Variants in DNAH10 observed in about 807,000 individuals in gnomAD.
DNAH10 encodes dynein axonemal heavy chain 10, also known as axonemal beta dynein heavy chain 10.
DNAH10 carries 348 observed loss-of-function variants against 506.6 expected under a neutral mutation model. The observed-to-expected ratio is 0.69, with a 90% CI of 0.63 to 0.75. The LOEUF (loss-of-function observed/expected upper bound fraction) is 0.75. DNAH10 is among the 30% of genes least tolerant of loss of function. The probability of loss-of-function intolerance (pLI) is 0.00; values close to 1 mark genes in which losing one functional copy is unlikely to be tolerated. For synonymous variants in DNAH10, 2,059 were observed against 2,198.6 expected, an observed-to-expected ratio of 0.94 and a Z score of 1.78; for missense variants, 5,179 against 5,787.1, an observed-to-expected ratio of 0.89 and a Z score of 3.41.
intron 65 of DNAH10, among the ~76,000 whole-genome samples, chr12:123,921,741 T>C (rs1954740961): frequency 7.6e-6 from 1 of 131,688 alleles, no homozygotes; most frequent in African/African-American, 3.1e-5. Flanking sequence ...TGAGACAGAA[T>C]GTCACTCTGT....
chr12:123,871,792 C>T (rs1485327714), intron 45 of DNAH10, among the ~76,000 whole-genome samples, 190 bp downstream of exon 45: 1 of 152,136 alleles, frequency 6.6e-6, no homozygotes, highest in Non-Finnish European at 1.5e-5. Context: ...GCTGTAGATA[C>T]CTGGAGGCCT....
At chr12:123,784,901 G>A (rs1957791929) in intron 8 of DNAH10, among the ~76,000 whole-genome samples, 1 of 152,208 alleles carries the variant, frequency 6.6e-6, no homozygotes, top group South Asian at 2.1e-4. Context: ...GTTGTAGCGT[G>A]GAGCGTGTTA....
intron 1 of DNAH10, among the ~76,000 whole-genome samples, chr12:123,763,528 C>A (rs1164941549): frequency 6.6e-6 from 1 of 151,518 alleles, no homozygotes; most frequent in African/African-American, 2.4e-5. Context: ...TTTAAAGGTA[C>A]CAGGCAGATT....
At chr12:123,861,497 A>T (rs1201415840) in intron 39 of DNAH10, among the ~76,000 whole-genome samples, 1 of 152,214 alleles carries the variant, frequency 6.6e-6, no homozygotes, top group African/African-American at 2.4e-5. Flanking sequence ...GTTCTCAAAC[A>T]CAGCCGCCAT....
chr12:123,774,573 A>C (rs1957370739), intron 5 of DNAH10, among the ~76,000 whole-genome samples: 1 of 152,224 alleles, frequency 6.6e-6, no homozygotes, highest in South Asian at 2.1e-4. Context: ...TTGTTTCTAT[A>C]GATATTAAAT....
chr12:123,839,215 T>TAAA (rs575224560), intron 29 of DNAH10, among the ~76,000 whole-genome samples: 2 of 126,924 alleles, frequency 1.6e-5, no homozygotes, highest in Non-Finnish European at 3.4e-5. Context: ...TTTTATAAAC[T>TAAA]AAAAAAAAAA....
chr12:123,820,608 A>G lies in DNAH10; in HGVS notation c.4029A>G (p.Arg1343=). 1 of 1,613,964 alleles carries G rather than the reference A, an allele frequency of 6.2e-7. No individual in the cohort carries two copies. Among genetic ancestry groups the G allele is most frequent in the South Asian group, 1.1e-5 (1 of 91,078 alleles). ...KGVELLGVYE[R]ELARHEKSRQ... ...TAGAGCTTTTAGGTGTTTATGAAAG[A>G]GAGCTGGCAAGACATGAAAAGAGCC... Residue 1343 remains arginine (R), a synonymous_variant, in exon 24 of 79, where the codon AGA becomes AGG. Coordinates refer to ENST00000673944, the MANE Select transcript of DNAH10 (RefSeq NM_001372106.1).
At chr12:123,858,721 G>C (rs1313797208) in intron 37 of DNAH10, among the ~76,000 whole-genome samples, 1 of 152,194 alleles carries the variant, frequency 6.6e-6, no homozygotes, top group Non-Finnish European at 1.5e-5. Context: ...ACAGAATGTG[G>C]TCTGTCCATC....
rs78920315 is a variant in DNAH10, at chr12:123,899,278, C to T, written c.9640+464C>T. On this transcript the variant is annotated intron_variant, in intron 56 of 78. Coordinates refer to ENST00000673944, the MANE Select transcript of DNAH10 (RefSeq NM_001372106.1). ...GTCACCTGCACTGTCCTGCTCTTGA[C>T]GACTCTACCCTCTCGCGATGCCTGG... Among the ~76,000 whole-genome samples, 305 of 152,288 alleles carry T rather than the reference C, an allele frequency of 2.0e-3. 2 individuals carry two copies. Among genetic ancestry groups the T allele is most frequent in the Admixed American group, 3.6e-3 (55 of 15,300 alleles).
chr12:123,923,737 A>G (rs371331358), intron 65 of DNAH10, 26 bp from the exon 66 acceptor site: 7 of 1,520,886 alleles, frequency 4.6e-6, no homozygotes, highest in Non-Finnish European at 6.3e-6. Flanking sequence ...TTAAGAAATC[A>G]ATACTCATCT....
At chr12:123,806,767 TG>T (rs948426734) in intron 18 of DNAH10, among the ~76,000 whole-genome samples, 5 of 150,852 alleles carry the variant, frequency 3.3e-5, no homozygotes, top group Admixed American at 6.6e-5. Flanking sequence ...TAATATGCTA[TG>T]TTTTTTTTTT....
intron 59 of DNAH10, 101 bp from the exon 60 acceptor site, chr12:123,912,997 A>G (rs536945641): frequency 2.7e-6 from 3 of 1,108,166 alleles, no homozygotes; most frequent in South Asian, 3.2e-5. Flanking sequence ...AAGCACAGAC[A>G]CCATTAGAGC....
At chr12:123,915,035 T>TA in intron 62 of DNAH10, 36 bp downstream of exon 62, 3 of 1,572,336 alleles carry the variant, frequency 1.9e-6, no homozygotes, top group Non-Finnish European at 2.6e-6. Flanking sequence ...TTCTGCCCCC[T>TA]ATTCCTGTTC....
At chr12:123,852,632 G>T (rs1951220779) in intron 35 of DNAH10, among the ~76,000 whole-genome samples, 3 of 151,864 alleles carry the variant, frequency 2.0e-5, no homozygotes, top group South Asian at 2.1e-4. Flanking sequence ...GAGTGCAGTG[G>T]TGTGATCTCA....
At position 123,799,252 on chromosome 12, in the gene DNAH10, C is replaced by A; in HGVS notation, c.2170C>A (p.Gln724Lys). ...TGCTTGAATTCTTTGATAGGTCAAA[C>A]AAAAATATTTGGAAGTAGGTAGGAC... ...LDSDRGQEVK[Q>K]KYLEVGRTMK... Residue 724 changes from glutamine to lysine, a missense_variant, in exon 14 of 79, where the codon CAA (glutamine) becomes AAA (lysine). Physicochemically the swap from Gln to Lys is moderately conservative, Grantham distance 53. Transcript: ENST00000673944. 6.2e-7 allele frequency: 1 copy of A among 1,604,726 alleles called. No individual in the cohort carries two copies. Among genetic ancestry groups the A allele is most frequent in the Non-Finnish European group, 8.5e-7 (1 of 1,174,402 alleles).
At position 123,785,677 on chromosome 12, in the gene DNAH10, A is replaced by ACTGTTTTATGAAACTATTTGGAC; in HGVS notation, c.1231-67_1231-45dup. On this transcript the variant is annotated intron_variant, in intron 8 of 78. Coordinates refer to ENST00000673944, the MANE Select transcript of DNAH10 (RefSeq NM_001372106.1). This position sits in a 1 kb window ranked among gnomAD's most constrained non-coding sequence, Gnocchi z 4.1. ...AAAGAGTGAAACTTCTTGCATGCTT[A>ACTGTTTTATGAAACTATTTGGAC]CTGTTTTATGAAACTATTTGGACCC... The ACTGTTTTATGAAACTATTTGGAC allele has an allele frequency of 7.9e-7, 1 of 1,271,548 alleles. No individual in the cohort carries two copies. The allele number at this position is 1,271,548 out of a possible 1,614,324, so 78.8% of individuals were successfully genotyped here.
intron 65 of DNAH10, among the ~76,000 whole-genome samples, chr12:123,922,288 A>G (rs991456984): frequency 2.0e-5 from 3 of 152,034 alleles, no homozygotes; most frequent in African/African-American, 7.2e-5. Context: ...AGGCAGGAGA[A>G]TGGCTTGAAC....
rs772107271 is a variant in DNAH10 at position 123,783,969 on chromosome 12, T to C, written c.1022T>C (p.Ile341Thr). 6 of 1,614,076 alleles carry C rather than the reference T, an allele frequency of 3.7e-6. No homozygotes were observed. Among genetic ancestry groups the C allele is most frequent in the Non-Finnish European group, 5.1e-6 (6 of 1,180,040 alleles). The stretch of plus-strand genomic sequence containing the variant: ...CAGGGTAAAGGCCCTCTGGCTGAAA[T>C]TGAATTCTGGAGGGAAAGAAATGCA... Reference protein sequence around the residue: ...TPQGKGPLAEIEFWRERNATL... With the variant: ...TPQGKGPLAETEFWRERNATL... The change falls in exon 8 of 79, where the codon ATT (isoleucine) becomes ACT (threonine). Residue 341 changes from isoleucine to threonine, a missense_variant. Ile to Thr is a moderately conservative substitution (Grantham distance 89, BLOSUM62 -1). This residue lies in a region of DNAH10 where 4,844 missense variants were observed against 5,430.5 expected (regional missense o/e 0.89). Coordinates refer to ENST00000673944, the MANE Select transcript of DNAH10 (RefSeq NM_001372106.1).
At chr12:123,805,951 T>C (rs993834815) in intron 18 of DNAH10, among the ~76,000 whole-genome samples, 1 of 152,052 alleles carries the variant, frequency 6.6e-6, no homozygotes. Context: ...TAGTTTTTTG[T>C]ATTTTTAGTA....
Sources: allele counts gnomAD v4.1 joint callset (sites outside exome capture counted in the v4.1 genomes callset), GRCh38; gene constraint gnomAD v4.1.1; regional missense constraint gnomAD v4.1.1; non-coding constraint Gnocchi (gnomAD v3.1); transcripts MANE v1.5; gene names NCBI Gene and HGNC (gene_info 2026-07-23, HGNC 2026-07-21).